The following TCERG1 variants were observed in gnomAD, a reference collection of about 807,000 sequenced individuals.
The protein encoded by TCERG1 is TATA box binding protein (TBP)-associated factor, RNA polymerase II, S, 150kD.
TCERG1 carries 37 observed loss-of-function variants against 144.7 expected under a neutral mutation model. The observed-to-expected ratio is 0.26, with a 90% confidence interval of 0.20 to 0.34. The LOEUF is 0.34. Ranked by LOEUF, TCERG1 falls within the 10% of genes least tolerant of loss-of-function variation. The probability of loss-of-function intolerance (pLI) is 1.00; values close to 1 mark genes in which losing one functional copy is unlikely to be tolerated. For missense variants in TCERG1, 1,027 were observed against 1,380.7 expected (o/e 0.74, Z 4.06); for synonymous variants, 492 against 458.2 (o/e 1.07, Z -0.94).
Position 146,479,902 on chromosome 5 carries a change from A to T in TCERG1, c.1810A>T (p.Met604Leu). The T allele has an allele frequency of 6.2e-7, 1 of 1,613,470 alleles. No individual in the cohort carries two copies. Among genetic ancestry groups the T allele is most frequent in the Non-Finnish European group, 8.5e-7 (1 of 1,179,596 alleles). Reference sequence around the variant, plus strand: ...GTCGATCCAAAAGTGGCAATTCTCTATGAGTGCAAGTGAGTGAACTAACCA... The same window carrying T: ...GTCGATCCAAAAGTGGCAATTCTCTTTGAGTGCAAGTGAGTGAACTAACCA... The part of the protein sequence containing the change: ...MLSIQKWQFS[M>L]SAIKEEQELM... Residue 604 changes from methionine (M) to leucine (L), a missense_variant, in exon 11 of 23, where the codon ATG becomes TTG. Physicochemically the swap from Met to Leu is conservative, Grantham distance 15 (BLOSUM62 2). This residue lies in a region of TCERG1 where 482 missense variants were observed against 632.6 expected (regional missense o/e 0.76). Transcript: ENST00000679501.
intron 17 of TCERG1, among the ~76,000 whole-genome samples, chr5:146,499,051 C>T (rs549564166): frequency 6.6e-6 from 1 of 152,172 alleles, no homozygotes; most frequent in South Asian, 2.1e-4. Flanking sequence ...CTTTTTTGCC[C>T]TCTAAAAGAT....
intron 15 of TCERG1, among the ~76,000 whole-genome samples, chr5:146,484,739 T>G (rs1379544048): frequency 6.6e-6 from 1 of 152,206 alleles, no homozygotes; most frequent in African/African-American, 2.4e-5. Context: ...CCTTGATTCC[T>G]TACTTTTCCC....
At chr5:146,482,515 CTTTGAT>C in intron 13 of TCERG1, 71 bp from the exon 14 acceptor site, 1 of 1,425,234 alleles carries the variant, frequency 7.0e-7, no homozygotes, top group Admixed American at 2.5e-5. Flanking sequence ...TTGAAAATTC[CTTTGAT>C]TTTAAGATTT....
chr5:146,469,787 AAT>A, intron 7 of TCERG1, 43 bp downstream of exon 7: 1 of 1,315,216 alleles, frequency 7.6e-7, no homozygotes, highest in Non-Finnish European at 1.0e-6. Flanking sequence ...TATAAACTGT[AAT>A]AAGTAGAATG....
chr5:146,492,152 A>G (rs1208473133), intron 15 of TCERG1, among the ~76,000 whole-genome samples: 2 of 152,100 alleles, frequency 1.3e-5, no homozygotes, highest in Non-Finnish European at 2.9e-5. Context: ...TTAAAATACT[A>G]CTTATTTTAG....
At chr5:146,485,135 C>T (rs1042288288) in intron 15 of TCERG1, among the ~76,000 whole-genome samples, 1 of 152,268 alleles carries the variant, frequency 6.6e-6, no homozygotes. Flanking sequence ...CTGTTGATTA[C>T]AGCCACACTG....
chr5:146,477,301 G>A (rs1373426521), intron 9 of TCERG1, among the ~76,000 whole-genome samples: 1 of 151,956 alleles, frequency 6.6e-6, no homozygotes, highest in Non-Finnish European at 1.5e-5. Context: ...TAACATAGGA[G>A]GCTTAGTCTG....
Position 146,458,510 on chromosome 5 carries a change from T to C in TCERG1, c.439-374T>C, listed in dbSNP as rs528301725. On this transcript the variant is annotated intron_variant, in intron 3 of 22. Coordinates refer to ENST00000679501, the MANE Select transcript of TCERG1 (RefSeq NM_001382548.1). Reference sequence around the variant, plus strand: ...ATTTTTGAGATGGAGTCTCCCTCTGTCACCCAGGCTGGAGTGCAGTGGTAT... The same window carrying C: ...ATTTTTGAGATGGAGTCTCCCTCTGCCACCCAGGCTGGAGTGCAGTGGTAT... Among the ~76,000 whole-genome samples the C allele has an allele frequency of 5.5e-4, 83 of 151,628 alleles. 1 individual carries two copies. The highest frequency in any genetic ancestry group is 2.0e-3 in the African/African-American group (81 of 41,246).
intron 15 of TCERG1, 31 bp downstream of exon 15, chr5:146,483,660 T>C (rs1329844558): frequency 3.3e-6 from 5 of 1,510,906 alleles, no homozygotes; most frequent in Non-Finnish European, 4.5e-6. Flanking sequence ...ACTAAGAATG[T>C]ATATCTCTTG....
At chr5:146,451,062 A>G (rs1462613783) in intron 1 of TCERG1, among the ~76,000 whole-genome samples, 1 of 152,222 alleles carries the variant, frequency 6.6e-6, no homozygotes, top group Non-Finnish European at 1.5e-5. Context: ...CTTAACTTCA[A>G]GCTGTAACCA....
intron 22 of TCERG1, 28 bp downstream of exon 22, chr5:146,509,273 GCAGT>G (rs1216073122): frequency 6.9e-7 from 1 of 1,451,852 alleles, no homozygotes. Flanking sequence ...TTTCATATTG[GCAGT>G]CATTCTCTTT....
intron 19 of TCERG1, among the ~76,000 whole-genome samples, chr5:146,505,898 T>A (rs1311699366): frequency 6.6e-6 from 1 of 152,186 alleles, no homozygotes; most frequent in African/African-American, 2.4e-5. Flanking sequence ...TGCCTCAGTC[T>A]CCTGAGTAGC....
In TCERG1 at chr5:146,509,240, A is replaced by G; in HGVS notation, c.3141A>G (p.Thr1047=). The G allele has an allele frequency of 6.2e-7, 1 of 1,600,332 alleles. No individual in the cohort carries two copies. The highest frequency in any genetic ancestry group is 1.3e-5 in the African/African-American group (1 of 74,498). Residue 1047 remains threonine, a synonymous_variant, in exon 22 of 23, where the codon ACA becomes ACG. Transcript: ENST00000679501. Reference sequence around the variant, plus strand: ...TTTTGAAAGAGACCAAATTTATAACATATAGGTGTGTGCAATGAAATGTTT... The same window carrying G: ...TTTTGAAAGAGACCAAATTTATAACGTATAGGTGTGTGCAATGAAATGTTT... ...RTLLKETKFI[T]YRSKKLIQES... is the part of the protein sequence containing the mutation.
chr5:146,491,448 A>G (rs1029957425), intron 15 of TCERG1, among the ~76,000 whole-genome samples: 4 of 152,046 alleles, frequency 2.6e-5, no homozygotes, highest in African/African-American at 9.7e-5. Flanking sequence ...ATGCTGGTAT[A>G]CATCTTGCTC....
In TCERG1 at chr5:146,470,675, C is replaced by G. The variant is rs751794499; in HGVS notation, c.1439C>G (p.Pro480Arg). The change falls in exon 8 of 23, where the codon CCC (proline) becomes CGC (arginine). Residue 480 changes from proline (P) to arginine (R), a missense_variant. This residue lies in a region of TCERG1 where 482 missense variants were observed against 632.6 expected (regional missense o/e 0.76). Transcript: ENST00000679501. ...EEKIKEPIKE[P>R]SEEPLPMETE... ...AAGATTAAAGAGCCAATTAAAGAACCCTCTGAAGAGCCTCTGCCAATGGAG... is the reference window on the plus strand; with the variant it reads ...AAGATTAAAGAGCCAATTAAAGAACGCTCTGAAGAGCCTCTGCCAATGGAG... 1.6e-5 allele frequency: 25 copies of G among 1,612,878 alleles called. No individual in the cohort carries two copies. The highest frequency in any genetic ancestry group is 5.4e-5 in the African/African-American group (4 of 74,756).
chr5:146,488,665 A>G (rs1205109259), intron 15 of TCERG1, among the ~76,000 whole-genome samples: 1 of 152,194 alleles, frequency 6.6e-6, no homozygotes, highest in Admixed American at 6.5e-5. Context: ...AACAGTATGG[A>G]GGTTCCTCGA....
chr5:146,455,242 A>T lies in TCERG1; in HGVS notation c.246A>T (p.Pro82=). ...FDPNMPPMPP[P]GGIPPPMGPP... ...CTAATATGCCGCCAATGCCTCCTCCAGGAGGGATACCTCCACCTATGGGCC... is the reference window on the plus strand; with the variant it reads ...CTAATATGCCGCCAATGCCTCCTCCTGGAGGGATACCTCCACCTATGGGCC... The change falls in exon 2 of 23, where the codon CCA becomes CCT. Residue 82 remains proline, a synonymous_variant. Transcript: ENST00000679501. The T allele has an allele frequency of 6.2e-7, 1 of 1,614,180 alleles. No homozygotes were observed. Among genetic ancestry groups the T allele is most frequent in the Non-Finnish European group, 8.5e-7 (1 of 1,180,024 alleles).
intron 1 of TCERG1, among the ~76,000 whole-genome samples, chr5:146,452,015 T>A (rs1229716568): frequency 6.6e-6 from 1 of 152,014 alleles, no homozygotes; most frequent in Admixed American, 6.5e-5. Context: ...CTCGAACTCC[T>A]GGCTTCAAGT....
chr5:146,489,736 T>G (rs1015719464), intron 15 of TCERG1, among the ~76,000 whole-genome samples: 1 of 152,174 alleles, frequency 6.6e-6, no homozygotes, highest in Non-Finnish European at 1.5e-5. Flanking sequence ...TTCATGCCTA[T>G]AAAAGTGAAC....
Sources: allele counts gnomAD v4.1 joint callset (sites outside exome capture counted in the v4.1 genomes callset), GRCh38; gene constraint gnomAD v4.1.1; regional missense constraint gnomAD v4.1.1; transcripts MANE v1.5; gene names NCBI Gene and HGNC (gene_info 2026-07-23, HGNC 2026-07-21).